The following AMBRA1 variants were observed in gnomAD, a reference collection of about 807,000 sequenced individuals.
The protein encoded by AMBRA1 is activating molecule in BECN1-regulated autophagy protein 1.
A neutral mutation model predicts 125.4 loss-of-function variants in AMBRA1; 47 were observed. That is an observed-to-expected ratio of 0.37 (90% CI 0.30 to 0.48). The LOEUF is 0.48. Among genes scored for constraint, AMBRA1 ranks in the 20% least tolerant of loss-of-function variants. AMBRA1 has a pLI of 0.99. For missense variants in AMBRA1, 1,331 were observed against 1,693.4 expected, an observed-to-expected ratio of 0.79 and a Z score of 3.76; for synonymous variants, 626 against 655.5, an observed-to-expected ratio of 0.95 and a Z score of 0.69.
intron 9 of AMBRA1, among the ~76,000 whole-genome samples, chr11:46,497,871 C>A (rs945118840): frequency 6.6e-6 from 1 of 152,022 alleles, no homozygotes; most frequent in African/African-American, 2.4e-5. Context: ...GGGGAAGATT[C>A]AGAGATAATG....
chr11:46,552,664 G>C (rs1222785841), intron 1 of AMBRA1, among the ~76,000 whole-genome samples: 1 of 147,262 alleles, frequency 6.8e-6, no homozygotes, highest in African/African-American at 2.5e-5. Context: ...GGGCAACAGA[G>C]CGAGATTCTG....
chr11:46,504,100 T>G (rs1470707366), intron 9 of AMBRA1, among the ~76,000 whole-genome samples: 1 of 152,226 alleles, frequency 6.6e-6, no homozygotes, highest in Non-Finnish European at 1.5e-5. Context: ...CTAGTCTGAC[T>G]GTCATTAGCA....
intron 17 of AMBRA1, among the ~76,000 whole-genome samples, chr11:46,404,384 G>A (rs776028703): frequency 3.9e-5 from 6 of 152,154 alleles, no homozygotes; most frequent in African/African-American, 9.7e-5. Flanking sequence ...GGCTCAAAGA[G>A]AGCCCTGATC....
At chr11:46,537,947 C>T (rs1368992163) in intron 7 of AMBRA1, among the ~76,000 whole-genome samples, 1 of 152,210 alleles carries the variant, frequency 6.6e-6, no homozygotes, top group Non-Finnish European at 1.5e-5. Context: ...GAACCAACCT[C>T]GTACACAAAC....
chr11:46,450,183 T>C (rs1948510077), intron 11 of AMBRA1, among the ~76,000 whole-genome samples: 1 of 152,188 alleles, frequency 6.6e-6, no homozygotes, highest in Non-Finnish European at 1.5e-5. Flanking sequence ...ATTTAAGAGA[T>C]GAATGGATAA....
In AMBRA1 at chr11:46,548,439, C is replaced by T; in HGVS notation, c.-59G>A. The T allele has an allele frequency of 6.2e-7, 1 of 1,604,030 alleles. No homozygotes were observed. The highest frequency in any genetic ancestry group is 8.5e-7 in the Non-Finnish European group (1 of 1,176,098). On this transcript the variant is annotated 5_prime_UTR_variant, in exon 2 of 18. It introduces an in-frame stop codon into an upstream open reading frame of the 5' UTR. Coordinates refer to ENST00000683756, the MANE Select transcript of AMBRA1 (RefSeq NM_001387011.1). ...GAAATGAAGGAGCAAGTAACAGCTC[C>T]AACACACTGAAGCAGCTAAAATGAG... is the stretch of plus-strand genomic sequence containing the variant.
chr11:46,493,968 C>T (rs1325555317), intron 10 of AMBRA1, 156 bp downstream of exon 10: 1 of 722,516 alleles, frequency 1.4e-6, no homozygotes, highest in East Asian at 2.7e-5. Context: ...ATGTGGCTAA[C>T]CATCATCCGT....
intron 11 of AMBRA1, among the ~76,000 whole-genome samples, chr11:46,467,264 TGGGA>T (rs1949368064): frequency 6.6e-6 from 1 of 152,162 alleles, no homozygotes; most frequent in African/African-American, 2.4e-5. Context: ...TTTCCTATGA[TGGGA>T]GATGATTTGT....
chr11:46,509,313 T>C (rs1055261682), intron 8 of AMBRA1, among the ~76,000 whole-genome samples: 1 of 152,218 alleles, frequency 6.6e-6, no homozygotes, highest in Non-Finnish European at 1.5e-5. Context: ...CAGTATTATA[T>C]AATTTGACGC....
intron 11 of AMBRA1, among the ~76,000 whole-genome samples, chr11:46,463,067 T>C (rs1398672851): frequency 6.6e-6 from 1 of 152,232 alleles, no homozygotes; most frequent in Admixed American, 6.5e-5. Context: ...AATCCCCTTT[T>C]CTAAGAAGTC....
chr11:46,576,113 C>A (rs2043953133), intron 1 of AMBRA1, among the ~76,000 whole-genome samples: 1 of 152,034 alleles, frequency 6.6e-6, no homozygotes, highest in South Asian at 2.1e-4. Context: ...GTAGATTACA[C>A]AGCTAAGAAA....
In AMBRA1 at chr11:46,494,166, T is replaced by C. The variant is rs994639663; in HGVS notation, c.2378A>G (p.Asn793Ser). 11 of 1,608,464 alleles carry C rather than the reference T, an allele frequency of 6.8e-6. No individual in the cohort carries two copies. Among genetic ancestry groups the C allele is most frequent in the African/African-American group, 1.3e-5 (1 of 74,896 alleles). ...AAGCGAAGGTGCAGACATCCGGGCA[T>C]TGCGTGGAGCTCGGTGCCTGGATCT... ...GDRSRHRAPR[N>S]ARMSAPSLGR... The change falls in exon 10 of 18, where the codon AAT (asparagine) becomes AGT (serine). Residue 793 changes from asparagine to serine, a missense_variant. Physicochemically the swap from Asn to Ser is conservative, Grantham distance 46. Around this residue, in one of 4 missense-constraint regions of AMBRA1, gnomAD observed 689 missense variants for 776.5 expected, o/e 0.89. Coordinates refer to ENST00000683756, the MANE Select transcript of AMBRA1 (RefSeq NM_001387011.1).
chr11:46,583,652 C>CAAAAAAAAAAAAAAAAAA (rs1398623719), intron 1 of AMBRA1, among the ~76,000 whole-genome samples: 2 of 12,556 alleles, frequency 1.6e-4, no homozygotes, highest in Non-Finnish European at 3.2e-4. Flanking sequence ...AACAAATTTC[C>CAAAAAAAAAAAAAAAAAA]AAAAAAAAAA....
intron 1 of AMBRA1, among the ~76,000 whole-genome samples, chr11:46,591,609 C>T (rs2044596323): frequency 6.6e-6 from 1 of 152,110 alleles, no homozygotes; most frequent in Admixed American, 6.6e-5. Context: ...GTAATCCCAG[C>T]ACTTTGGGAG....
At chr11:46,414,981 C>T (rs1356470807) in intron 15 of AMBRA1, among the ~76,000 whole-genome samples, 2 of 152,042 alleles carry the variant, frequency 1.3e-5, no homozygotes, top group Non-Finnish European at 2.9e-5. Flanking sequence ...GAGGAGAAAT[C>T]AAGAGCAGTA....
intron 17 of AMBRA1, among the ~76,000 whole-genome samples, chr11:46,408,284 G>C (rs1946120364): frequency 6.6e-6 from 1 of 152,174 alleles, no homozygotes; most frequent in South Asian, 2.1e-4. Flanking sequence ...AAAAGAGACA[G>C]GGTCCTCACA....
intron 7 of AMBRA1, among the ~76,000 whole-genome samples, chr11:46,517,840 A>G (rs1951571187): frequency 6.6e-6 from 1 of 151,562 alleles, no homozygotes; most frequent in South Asian, 2.1e-4. Context: ...CAAAAAAAAA[A>G]AAAAAAAAAT....
chr11:46,570,092 C>T (rs868638414), intron 1 of AMBRA1, among the ~76,000 whole-genome samples: 5 of 151,802 alleles, frequency 3.3e-5, no homozygotes, highest in African/African-American at 9.7e-5. Context: ...GAAATCCTGT[C>T]GCTACTAAAA....
intron 11 of AMBRA1, chr11:46,491,511 T>C (rs1170506762): frequency 6.6e-6 from 1 of 152,224 alleles, no homozygotes; most frequent in African/African-American, 2.4e-5. Context: ...TTATTGGAAT[T>C]TTCTCAAGAG....
Sources: gnomAD v4.1 joint callset for allele counts (sites outside exome capture counted in the v4.1 genomes callset) on GRCh38, gnomAD v4.1.1 for gene constraint, gnomAD v4.1.1 regional missense constraint, MANE v1.5 for transcripts, NCBI Gene and HGNC (gene_info 2026-07-23, HGNC 2026-07-21) for gene names.